The following DTD1 variants were observed in gnomAD, a reference collection of about 807,000 sequenced individuals.
DTD1 encodes D-tyrosyl-tRNA deacylase 1 homolog.
Under a neutral mutation model 25.6 loss-of-function variants are expected in DTD1, and 13 were observed. The ratio of observed to expected loss-of-function variants is 0.51; its 90% CI spans 0.33 to 0.81. DTD1 has a LOEUF of 0.81. Ranked by LOEUF, DTD1 falls within the 30% of genes least tolerant of loss-of-function variation. DTD1 has a pLI of 0.02. For synonymous variants in DTD1, 110 were observed against 103.6 expected (o/e 1.06, Z -0.37); for missense variants, 193 against 266.4 (o/e 0.72, Z 1.92).
At position 18,694,278 on chromosome 20, in the gene DTD1, G is replaced by A. The variant is rs143360531; in HGVS notation, c.478-49822G>A. Among the ~76,000 whole-genome samples the A allele has an allele frequency of 3.7e-3, 563 of 152,264 alleles. 3 individuals are homozygous for A. Among genetic ancestry groups the A allele is most frequent in the African/African-American group, 0.013 (545 of 41,538 alleles). On this transcript the variant is annotated intron_variant, in intron 4 of 5. Coordinates refer to ENST00000377452, the MANE Select transcript of DTD1 (RefSeq NM_080820.6). ...TGCTCACGGCTCCCTGGGGATACAG[G>A]AGTAAGATCCTATTCCCTCTTCTCA...
At chr20:18,632,575 G>T (rs1005027955) in intron 4 of DTD1, 7 of 985,210 alleles carry the variant, frequency 7.1e-6, no homozygotes, top group Non-Finnish European at 8.4e-6. Flanking sequence ...ATAAACACGT[G>T]TTTCTATCAA....
chr20:18,717,002 CA>C (rs2061183748), intron 4 of DTD1, among the ~76,000 whole-genome samples: 1 of 152,164 alleles, frequency 6.6e-6, no homozygotes, highest in Non-Finnish European at 1.5e-5. Context: ...TCAAGCAATT[CA>C]GCTTTTCCTT....
chr20:18,701,924 A>G (rs1473351105), intron 4 of DTD1, among the ~76,000 whole-genome samples: 1 of 152,246 alleles, frequency 6.6e-6, no homozygotes, highest in Non-Finnish European at 1.5e-5. Context: ...GTTGATTTAA[A>G]GTATAATTTA....
At chr20:18,721,670 A>G (rs1321216619) in intron 4 of DTD1, among the ~76,000 whole-genome samples, 1 of 152,136 alleles carries the variant, frequency 6.6e-6, no homozygotes, top group Non-Finnish European at 1.5e-5. Flanking sequence ...GTGTCTGTAA[A>G]ACCGTCTGGG....
chr20:18,643,395 G>A lies in DTD1; in HGVS notation c.477+15162G>A, dbSNP rs886519294. On this transcript the variant is annotated intron_variant, in intron 4 of 5. Transcript: ENST00000377452. Reference sequence around the variant, plus strand: ...GGCTTGACTCTAAAGTCTCAGGTCTGATCTTTCCTGGAATCTGTGCCTAGC... The same window carrying A: ...GGCTTGACTCTAAAGTCTCAGGTCTAATCTTTCCTGGAATCTGTGCCTAGC... 1.3e-5 allele frequency: 3 copies of A among 229,392 alleles called. No homozygotes were observed. In the East Asian group the frequency reaches 3.2e-4, roughly 24 times the overall value. 14.2% of individuals were successfully genotyped at this position (229,392 alleles called of 1,614,324 possible).
intron 4 of DTD1, among the ~76,000 whole-genome samples, chr20:18,708,285 T>TAA (rs1316510709): frequency 1.1e-4 from 4 of 35,734 alleles, no homozygotes; most frequent in Non-Finnish European, 1.6e-4. Flanking sequence ...ATAATATATA[T>TAA]TATATATATA....
intron 3 of DTD1, chr20:18,611,069 C>T (rs576564851): frequency 2.0e-5 from 3 of 152,350 alleles, no homozygotes; most frequent in Non-Finnish European, 4.4e-5. Context: ...TTAGATGCTA[C>T]GAAGTAGGTG....
chr20:18,744,071 A>G, intron 4 of DTD1, 29 bp from the exon 5 acceptor site: 3 of 1,548,234 alleles, frequency 1.9e-6, no homozygotes, highest in Non-Finnish European at 2.6e-6. Flanking sequence ...GTGTTTGTAA[A>G]ATATTCTTTT....
chr20:18,644,035 T>C (rs2060840837), intron 4 of DTD1, among the ~76,000 whole-genome samples: 1 of 152,222 alleles, frequency 6.6e-6, no homozygotes, highest in Admixed American at 6.5e-5. Flanking sequence ...TTCTGTCCTA[T>C]GAATATACTG....
At chr20:18,658,889 G>A (rs2060899471) in intron 4 of DTD1, among the ~76,000 whole-genome samples, 2 of 152,162 alleles carry the variant, frequency 1.3e-5, no homozygotes, top group African/African-American at 4.8e-5. Flanking sequence ...ACTTAGAGAA[G>A]CAGCCCCCTG....
At chr20:18,673,791 C>T (rs141316014) in intron 4 of DTD1, among the ~76,000 whole-genome samples, 49 of 152,090 alleles carry the variant, frequency 3.2e-4, no homozygotes, top group African/African-American at 7.7e-4. Context: ...ACCCTGGCAA[C>T]GTTGATCTGA....
intron 4 of DTD1, among the ~76,000 whole-genome samples, chr20:18,728,361 A>C (rs760504205): frequency 3.3e-5 from 5 of 152,208 alleles, no homozygotes; most frequent in Non-Finnish European, 5.9e-5. Flanking sequence ...CTCTGATTGA[A>C]AACCGTGCTC....
intron 3 of DTD1, among the ~76,000 whole-genome samples, chr20:18,625,073 T>C (rs373966077): frequency 8.5e-5 from 13 of 152,186 alleles, no homozygotes; most frequent in East Asian, 3.9e-4. Context: ...AATGAATCTG[T>C]TGTAGACACC....
At chr20:18,725,337 C>A (rs1237618697) in intron 4 of DTD1, among the ~76,000 whole-genome samples, 1 of 152,154 alleles carries the variant, frequency 6.6e-6, no homozygotes, top group Non-Finnish European at 1.5e-5. Flanking sequence ...TCCACCTGAA[C>A]CCTGTTTTAG....
intron 4 of DTD1, among the ~76,000 whole-genome samples, chr20:18,718,325 T>C (rs2061189753): frequency 6.6e-6 from 1 of 152,196 alleles, no homozygotes; most frequent in African/African-American, 2.4e-5. Context: ...TGCTGTTACC[T>C]CCAGGTGGCA....
chr20:18,619,544 T>A (rs1041830917), intron 3 of DTD1, among the ~76,000 whole-genome samples: 4 of 151,918 alleles, frequency 2.6e-5, no homozygotes, highest in Non-Finnish European at 5.9e-5. Flanking sequence ...CCTGCCTCAG[T>A]CTCCCGAGTA....
chr20:18,719,271 T>TG (rs2061193808), intron 4 of DTD1, among the ~76,000 whole-genome samples: 4 of 142,026 alleles, frequency 2.8e-5, no homozygotes, highest in African/African-American at 8.0e-5. Flanking sequence ...GTGTGTGTGT[T>TG]TGTGTATCTT....
chr20:18,641,612 T>C (rs915343491), intron 4 of DTD1, among the ~76,000 whole-genome samples: 1 of 152,200 alleles, frequency 6.6e-6, no homozygotes, highest in African/African-American at 2.4e-5. Context: ...GTTTCTCTAA[T>C]GATTAGTGAT....
At chr20:18,709,342 C>T (rs2061149056) in intron 4 of DTD1, among the ~76,000 whole-genome samples, 1 of 152,166 alleles carries the variant, frequency 6.6e-6, no homozygotes, top group Non-Finnish European at 1.5e-5. Flanking sequence ...TGAGCTGCAG[C>T]TTCTCTTCCT....
Sources: allele counts gnomAD v4.1 joint callset (sites outside exome capture counted in the v4.1 genomes callset), GRCh38; gene constraint gnomAD v4.1.1; transcripts MANE v1.5; gene names NCBI Gene and HGNC (gene_info 2026-07-23, HGNC 2026-07-21).